DLEU7: variants seen among roughly 807,000 people sequenced by gnomAD.
DLEU7 encodes the protein leukemia-associated protein 7.
In DLEU7, 17 loss-of-function variants were observed where a neutral mutation model predicts 16.0. The ratio of observed to expected loss-of-function variants is 1.06; its 90% CI spans 0.73 to 1.59. The LOEUF is 1.59. Among genes scored for constraint, DLEU7 ranks in the 40% most tolerant of loss-of-function variants. The pLI, the probability that DLEU7 is intolerant of heterozygous loss-of-function variation, is 0.00. For synonymous variants in DLEU7, 113 were observed against 139.8 expected (o/e 0.81, Z 1.35); for missense variants, 308 against 314.9 (o/e 0.98, Z 0.17).
chr13:50,720,174 C>T (rs1593526559), intron 1 of DLEU7, among the ~76,000 whole-genome samples: 2 of 152,208 alleles, frequency 1.3e-5, no homozygotes, highest in African/African-American at 4.8e-5. Flanking sequence ...AGGCCAACCT[C>T]TAGGCTTGGA....
At chr13:50,739,005 GCACACACA>G (rs368778519) in intron 1 of DLEU7, among the ~76,000 whole-genome samples, 11 of 114,286 alleles carry the variant, frequency 9.6e-5, no homozygotes, top group Admixed American at 2.6e-4. Context: ...ACACACACAC[GCACACACA>G]CACAAACACT....
chr13:50,744,571 T>C (rs922638452), intron 1 of DLEU7, among the ~76,000 whole-genome samples: 2 of 152,144 alleles, frequency 1.3e-5, no homozygotes, highest in African/African-American at 4.8e-5. Context: ...AGGAAATCTT[T>C]TAAAGGTCCA....
At chr13:50,736,158 T>C (rs1412551944) in intron 1 of DLEU7, among the ~76,000 whole-genome samples, 1 of 152,098 alleles carries the variant, frequency 6.6e-6, no homozygotes, top group Admixed American at 6.6e-5. Context: ...ATTTACATCA[T>C]AATATTGAAT....
chr13:50,713,222 C>T, exon 2 of DLEU7: 8 of 1,611,280 alleles, frequency 5.0e-6, no homozygotes, highest in Non-Finnish European at 6.8e-6. Flanking sequence ...CTTCTTCACT[C>T]ATTAGCCAGG....
At chr13:50,738,389 A>T (rs1429177101) in intron 1 of DLEU7, among the ~76,000 whole-genome samples, 1 of 152,144 alleles carries the variant, frequency 6.6e-6, no homozygotes, top group Non-Finnish European at 1.5e-5. Context: ...TATCACTGAC[A>T]TTGTTTAGAA....
At chr13:50,831,844 C>T (rs928770227) in intron 1 of DLEU7, among the ~76,000 whole-genome samples, 1 of 152,136 alleles carries the variant, frequency 6.6e-6, no homozygotes, top group Non-Finnish European at 1.5e-5. Context: ...CAGAATTGAT[C>T]GTGGTGGGTA....
At chr13:50,806,427 A>T (rs1382181760) in intron 1 of DLEU7, among the ~76,000 whole-genome samples, 1 of 151,982 alleles carries the variant, frequency 6.6e-6, no homozygotes, top group Non-Finnish European at 1.5e-5. Context: ...TAATGATTTT[A>T]TGACTTCTGC....
At chr13:50,756,444 T>G (rs1209749246) in intron 1 of DLEU7, among the ~76,000 whole-genome samples, 1 of 152,112 alleles carries the variant, frequency 6.6e-6, no homozygotes, top group South Asian at 2.1e-4. Flanking sequence ...GTTGTGTACC[T>G]AGAAAGATTA....
chr13:50,800,164 A>G (rs1876207824), intron 1 of DLEU7, among the ~76,000 whole-genome samples: 1 of 152,160 alleles, frequency 6.6e-6, no homozygotes, highest in South Asian at 2.1e-4. Context: ...TGACAAATAG[A>G]AAGTAGTGTA....
intron 1 of DLEU7, among the ~76,000 whole-genome samples, chr13:50,751,630 C>T (rs758529280): frequency 2.0e-5 from 3 of 152,154 alleles, no homozygotes; most frequent in Non-Finnish European, 4.4e-5. Context: ...GGTCTGTTCA[C>T]AGTAACTAAT....
At chr13:50,751,712 A>G (rs903199053) in intron 1 of DLEU7, among the ~76,000 whole-genome samples, 1 of 152,140 alleles carries the variant, frequency 6.6e-6, no homozygotes, top group Non-Finnish European at 1.5e-5. Context: ...TTGCTAGTTT[A>G]TATGCATAAA....
chr13:50,748,741 G>A (rs1033524322), intron 1 of DLEU7, among the ~76,000 whole-genome samples: 1 of 152,110 alleles, frequency 6.6e-6, no homozygotes, highest in Admixed American at 6.6e-5. Context: ...AAGCAAGAGA[G>A]AAGAAGTGGA....
At chr13:50,799,176 A>C (rs1876181922) in intron 1 of DLEU7, among the ~76,000 whole-genome samples, 1 of 152,184 alleles carries the variant, frequency 6.6e-6, no homozygotes, top group Admixed American at 6.5e-5. Flanking sequence ...CTGGTGAAGA[A>C]GTAACAGTTT....
chr13:50,757,228 C>A (rs960022594), intron 1 of DLEU7, among the ~76,000 whole-genome samples: 1 of 152,150 alleles, frequency 6.6e-6, no homozygotes, highest in East Asian at 1.9e-4. Flanking sequence ...GCAATCTAGT[C>A]CTGCCTCCCA....
exon 2 of DLEU7, chr13:50,712,326 C>T (rs926605807): frequency 3.3e-5 from 5 of 152,148 alleles, no homozygotes; most frequent in Admixed American, 1.3e-4. Context: ...CCCAATTCTG[C>T]GTTTGTTTTT....
At chr13:50,803,123 C>T (rs1297097475) in intron 1 of DLEU7, among the ~76,000 whole-genome samples, 1 of 152,066 alleles carries the variant, frequency 6.6e-6, no homozygotes, top group African/African-American at 2.4e-5. Flanking sequence ...AGGAAACATT[C>T]CTCAAATTGG....
At chr13:50,727,214 C>CGTGTGT (rs3990136) in intron 1 of DLEU7, among the ~76,000 whole-genome samples, 18,282 of 150,120 alleles carry the variant, frequency 0.12, 1,277 homozygotes, top group African/African-American at 0.2. Flanking sequence ...CTCTTGCATA[C>CGTGTGT]GTGTGTGTGT....
intron 1 of DLEU7, among the ~76,000 whole-genome samples, chr13:50,764,057 T>C (rs1297010177): frequency 6.6e-6 from 1 of 152,234 alleles, no homozygotes; most frequent in Non-Finnish European, 1.5e-5. Flanking sequence ...AGGTAGAGTG[T>C]ACTAGAACGC....
In DLEU7 at chr13:50,770,265, C is replaced by A. The variant is rs373298200; in HGVS notation, c.460-57025G>T. Among the ~76,000 whole-genome samples the A allele has an allele frequency of 2.9e-3, 437 of 152,280 alleles. 3 individuals carry two copies. The highest frequency in any genetic ancestry group is 9.9e-3 in the African/African-American group (413 of 41,550). On this transcript the variant is annotated intron_variant, in intron 1 of 1. Transcript: ENST00000400393. Reference sequence around the variant, plus strand: ...TTTCTTAATTGAATACCCTTAATTTCTTTCTCTTGCCTGATTGCCCTGGCC... The same window carrying A: ...TTTCTTAATTGAATACCCTTAATTTATTTCTCTTGCCTGATTGCCCTGGCC...
Sources: gnomAD v4.1 joint callset for allele counts (sites outside exome capture counted in the v4.1 genomes callset) on GRCh38, gnomAD v4.1.1 for gene constraint, MANE v1.5 for transcripts, NCBI Gene and HGNC (gene_info 2026-07-23, HGNC 2026-07-21) for gene names.